The following ARHGAP42 variants were observed in gnomAD, a reference collection of about 807,000 sequenced individuals.
ARHGAP42 encodes the protein Rho GTPase activating protein 42, also known as rho GTPase-activating protein 42.
A neutral mutation model predicts 125.0 loss-of-function variants in ARHGAP42; 63 were observed. That is an observed-to-expected ratio of 0.50 (90% confidence interval 0.41 to 0.62). The LOEUF is 0.62. ARHGAP42 is among the 20% of genes least tolerant of loss of function. The probability of loss-of-function intolerance (pLI) is 0.00; values close to 1 mark genes in which losing one functional copy is unlikely to be tolerated. For synonymous variants in ARHGAP42, 339 were observed against 351.0 expected (o/e 0.97, Z 0.38); for missense variants, 766 against 1,024.2 (o/e 0.75, Z 3.44).
chr11:100,960,071 A>G (rs777977263), intron 13 of ARHGAP42, 126 bp downstream of exon 13: 4 of 818,982 alleles, frequency 4.9e-6, no homozygotes, highest in Non-Finnish European at 7.7e-6. Flanking sequence ...TAAGAGTAAT[A>G]TAAATGTATG....
intron 2 of ARHGAP42, among the ~76,000 whole-genome samples, chr11:100,775,637 C>G (rs73575554): frequency 0.013 from 1,935 of 152,260 alleles, 54 homozygotes; most frequent in African/African-American, 0.044. Context: ...TCCAAAGATA[C>G]TACTGTGAAT....
intron 3 of ARHGAP42, among the ~76,000 whole-genome samples, chr11:100,810,847 C>A (rs1864122315): frequency 6.6e-6 from 1 of 152,108 alleles, no homozygotes; most frequent in African/African-American, 2.4e-5. Context: ...TTTTAAGCTC[C>A]TTGAGACTTT....
At chr11:100,903,709 AATATATATATATAT>A (rs139506492) in intron 4 of ARHGAP42, among the ~76,000 whole-genome samples, 1,856 of 63,428 alleles carry the variant, frequency 0.029, 80 homozygotes, top group East Asian at 0.084. Context: ...TGTCCCTCAA[AATATATATATATAT>A]ATATATATAT....
At position 100,902,670 on chromosome 11, in the gene ARHGAP42, G is replaced by C. The variant is rs116030731; in HGVS notation, c.385-10782G>C. On this transcript the variant is annotated intron_variant, in intron 4 of 23. Coordinates refer to ENST00000298815, the MANE Select transcript of ARHGAP42 (RefSeq NM_152432.4). ...GAGTATCACCCCTTGTCCCTTTCATGTGCTCAAGGCCTGGTTCCAGTGCAG... is the reference window on the plus strand; with the variant it reads ...GAGTATCACCCCTTGTCCCTTTCATCTGCTCAAGGCCTGGTTCCAGTGCAG... 3.2e-3 allele frequency among the ~76,000 whole-genome samples: 493 copies of C among 152,138 alleles called. 3 individuals carry two copies. The highest frequency in any genetic ancestry group is 0.011 in the African/African-American group (459 of 41,510).
intron 3 of ARHGAP42, among the ~76,000 whole-genome samples, chr11:100,843,136 T>A (rs955872964): frequency 3.3e-5 from 5 of 151,978 alleles, no homozygotes; most frequent in African/African-American, 1.2e-4. Flanking sequence ...TGGGAGATAT[T>A]ACAACTGACA....
intron 3 of ARHGAP42, among the ~76,000 whole-genome samples, chr11:100,837,836 G>A (rs185348030): frequency 6.7e-6 from 1 of 149,178 alleles, no homozygotes; most frequent in Admixed American, 6.7e-5. Flanking sequence ...GGCCATCTTG[G>A]ATTTAATTAG....
In ARHGAP42 at chr11:100,762,081, G is replaced by A. The variant is rs35532354; in HGVS notation, c.155-8262G>A. Among the ~76,000 whole-genome samples the A allele has an allele frequency of 2.5e-3, 384 of 152,242 alleles. 1 individual carries two copies. The highest frequency in any genetic ancestry group is 0.024 in the Middle Eastern group (7 of 292). On this transcript the variant is annotated intron_variant, in intron 1 of 23. Coordinates refer to ENST00000298815, the MANE Select transcript of ARHGAP42 (RefSeq NM_152432.4). ...GTTTCTAATCAAAGGACTTCTTTCCGGATCTGAGCACCTTCATCACATAAG... is the reference window on the plus strand; with the variant it reads ...GTTTCTAATCAAAGGACTTCTTTCCAGATCTGAGCACCTTCATCACATAAG...
chr11:100,990,717 TAGTTTTCC>T lies in ARHGAP42; in HGVS notation c.*1920_*1927del, dbSNP rs1858810498. 1 of 152,574 alleles carries T rather than the reference TAGTTTTCC, an allele frequency of 6.6e-6. No individual in the cohort carries two copies. Among genetic ancestry groups the T allele is most frequent in the Admixed American group, 6.5e-5 (1 of 15,270 alleles). 9.5% of individuals were successfully genotyped at this position (152,574 alleles called of 1,614,324 possible). A position where few individuals can be genotyped will look rare whatever the true frequency, so the allele number is the denominator to read the frequency against. Reference sequence around the variant, plus strand: ...AATTGCCCTCTGCTGGAACAGAAGGTAGTTTTCCAGTGTACCAGTCCCTTAGTCTATAC... The same window carrying T: ...AATTGCCCTCTGCTGGAACAGAAGGTAGTGTACCAGTCCCTTAGTCTATAC... On this transcript the variant is annotated 3_prime_UTR_variant, in exon 24 of 24. Coordinates refer to ENST00000298815, the MANE Select transcript of ARHGAP42 (RefSeq NM_152432.4).
intron 4 of ARHGAP42, among the ~76,000 whole-genome samples, chr11:100,894,748 A>G (rs1425086354): frequency 6.6e-6 from 1 of 152,160 alleles, no homozygotes; most frequent in Non-Finnish European, 1.5e-5. Flanking sequence ...TGAAATTTTG[A>G]TAATGGAATT....
chr11:100,935,661 C>A (rs1209352310), intron 7 of ARHGAP42, among the ~76,000 whole-genome samples: 1 of 101,098 alleles, frequency 9.9e-6, no homozygotes, highest in East Asian at 2.2e-4. Flanking sequence ...GAAGGTCACA[C>A]ACACACACAC....
intron 3 of ARHGAP42, among the ~76,000 whole-genome samples, chr11:100,808,379 T>A (rs1037870159): frequency 7.0e-4 from 105 of 150,598 alleles, no homozygotes; most frequent in African/African-American, 2.6e-3. Context: ...TTTTTTGGGA[T>A]AATTATAAAT....
chr11:100,865,052 G>A (rs1865536395), intron 4 of ARHGAP42, among the ~76,000 whole-genome samples: 1 of 152,090 alleles, frequency 6.6e-6, no homozygotes, highest in South Asian at 2.1e-4. Flanking sequence ...ACATTCTTCT[G>A]TGGTATGTAT....
chr11:100,689,165 C>T (rs980952187), intron 1 of ARHGAP42, among the ~76,000 whole-genome samples: 1 of 152,186 alleles, frequency 6.6e-6, no homozygotes, highest in Admixed American at 6.5e-5. Context: ...CCCATATTCA[C>T]TTAATTTCTG....
chr11:100,811,379 T>G (rs1465288494), intron 3 of ARHGAP42, among the ~76,000 whole-genome samples: 1 of 152,210 alleles, frequency 6.6e-6, no homozygotes, highest in African/African-American at 2.4e-5. Context: ...GTAAATCCAT[T>G]TATAAGGAAA....
At chr11:100,865,152 A>G (rs1865539071) in intron 4 of ARHGAP42, among the ~76,000 whole-genome samples, 1 of 152,192 alleles carries the variant, frequency 6.6e-6, no homozygotes. Context: ...ATGGAAACTG[A>G]TAATTCTGGT....
chr11:100,778,412 G>T (rs1238759125), intron 2 of ARHGAP42, among the ~76,000 whole-genome samples: 1 of 152,020 alleles, frequency 6.6e-6, no homozygotes, highest in African/African-American at 2.4e-5. Context: ...CTTAAATGTG[G>T]TTATATAAAT....
At chr11:100,969,043 T>A (rs1591329592) in intron 17 of ARHGAP42, among the ~76,000 whole-genome samples, 2 of 152,338 alleles carry the variant, frequency 1.3e-5, no homozygotes, top group East Asian at 3.9e-4. Context: ...GTGATGCAGA[T>A]CTGCTAGCAA....
chr11:100,783,076 G>GTCCC (rs1863352366), intron 2 of ARHGAP42, among the ~76,000 whole-genome samples: 1 of 152,138 alleles, frequency 6.6e-6, no homozygotes, highest in South Asian at 2.1e-4. Context: ...GGTGATGACC[G>GTCCC]TAAGATCCTT....
intron 3 of ARHGAP42, among the ~76,000 whole-genome samples, chr11:100,813,921 G>A (rs943579821): frequency 6.6e-6 from 1 of 152,174 alleles, no homozygotes; most frequent in African/African-American, 2.4e-5. Flanking sequence ...CAGGCCGGGT[G>A]CAGTGGCTAA....
Sources: gnomAD v4.1 joint callset for allele counts (sites outside exome capture counted in the v4.1 genomes callset) on GRCh38, gnomAD v4.1.1 for gene constraint, MANE v1.5 for transcripts, NCBI Gene and HGNC (gene_info 2026-07-23, HGNC 2026-07-21) for gene names.